ZNF572: variants seen among roughly 807,000 people sequenced by gnomAD.
ZNF572 encodes zinc finger protein 572.
Under a neutral mutation model 3.8 loss-of-function variants are expected in ZNF572, and 2 were observed. The ratio of observed to expected loss-of-function variants is 0.52; its 90% CI spans 0.21 to 1.65. The LOEUF (loss-of-function observed/expected upper bound fraction) is 1.65, where lower values mean the gene tolerates loss of function less well. Among genes scored for constraint, ZNF572 ranks in the 40% most tolerant of loss-of-function variants. ZNF572 has a pLI of 0.20. For missense variants in ZNF572, 581 were observed against 633.4 expected, an observed-to-expected ratio of 0.92 and a Z score of 0.89; for synonymous variants, 187 against 204.5, an observed-to-expected ratio of 0.91 and a Z score of 0.73.
Position 124,975,662 on chromosome 8 carries a change from T to C in ZNF572, c.22T>C (p.Leu8=). 6.2e-7 allele frequency: 1 copy of C among 1,613,962 alleles called. No homozygotes were observed. Among genetic ancestry groups the C allele is most frequent in the Non-Finnish European group, 8.5e-7 (1 of 1,179,910 alleles). Residue 8 remains leucine, a synonymous_variant, in exon 2 of 3, where the codon TTG becomes CTG. Transcript: ENST00000319286. ...TGTGATGGAGCAAGAAAAAAAACTG[T>C]TGGTCTCAGATTCTAACAGCTTTAT... is the stretch of plus-strand genomic sequence containing the variant. MEQEKKL[L]VSDSNSFMER...
At position 124,977,964 on chromosome 8, in the gene ZNF572, A is replaced by G. The variant is rs544050639; in HGVS notation, c.*106A>G. ...AAAGTTTCTTTGATGTGTTTGTCAAAACATTTGGAAAAAGTCAACCTCCCA... is the reference window on the plus strand; with the variant it reads ...AAAGTTTCTTTGATGTGTTTGTCAAGACATTTGGAAAAAGTCAACCTCCCA... On this transcript the variant is annotated 3_prime_UTR_variant, in exon 3 of 3. Coordinates refer to ENST00000319286, the MANE Select transcript of ZNF572 (RefSeq NM_152412.3). The G allele has an allele frequency of 7.7e-7, 1 of 1,297,512 alleles. No individual in the cohort carries two copies. Among genetic ancestry groups the G allele is most frequent in the South Asian group, 1.6e-5 (1 of 61,894 alleles). 80.4% of individuals were successfully genotyped at this position (1,297,512 alleles called of 1,614,324 possible).
intron 2 of ZNF572, 46 bp downstream of exon 2, chr8:124,975,765 A>G: frequency 6.9e-7 from 1 of 1,453,622 alleles, no homozygotes; most frequent in Non-Finnish European, 9.7e-7. Context: ...AATTTGATGT[A>G]GAAAGAACAG....
Position 124,977,425 on chromosome 8 carries a change from G to T in ZNF572, c.1157G>T (p.Cys386Phe), listed in dbSNP as rs1436779556. Reference protein sequence around the residue: ...RIQLGEKPYRCCECGKSFGLS... With the variant: ...RIQLGEKPYRFCECGKSFGLS... ...CAGTTAGGAGAGAAACCATATAGATGTTGTGAATGTGGGAAGAGTTTTGGC... is the reference window on the plus strand; with the variant it reads ...CAGTTAGGAGAGAAACCATATAGATTTTGTGAATGTGGGAAGAGTTTTGGC... The change falls in exon 3 of 3, where the codon TGT becomes TTT. Residue 386 changes from cysteine (C) to phenylalanine (F), a missense_variant. Cys to Phe is a radical substitution (Grantham distance 205). Coordinates refer to ENST00000319286, the MANE Select transcript of ZNF572 (RefSeq NM_152412.3). 1.2e-6 allele frequency: 2 copies of T among 1,614,194 alleles called. No individual in the cohort carries two copies. Among genetic ancestry groups the T allele is most frequent in the Non-Finnish European group, 1.7e-6 (2 of 1,180,024 alleles).
chr8:124,975,778 C>T, intron 2 of ZNF572, 59 bp downstream of exon 2: 1 of 1,333,036 alleles, frequency 7.5e-7, no homozygotes, highest in South Asian at 1.2e-5. Flanking sequence ...AAGAACAGGA[C>T]ACTAGAATGA....
chr8:124,977,937 A>C lies in ZNF572; in HGVS notation c.*79A>C. 6.9e-7 allele frequency: 1 copy of C among 1,443,488 alleles called. No homozygotes were observed. 89.4% of individuals were successfully genotyped at this position (1,443,488 alleles called of 1,614,324 possible). A position where few individuals can be genotyped will look rare whatever the true frequency, so the allele number is the denominator to read the frequency against. On this transcript the variant is annotated 3_prime_UTR_variant, in exon 3 of 3. Coordinates refer to ENST00000319286, the MANE Select transcript of ZNF572 (RefSeq NM_152412.3). The stretch of plus-strand genomic sequence containing the variant: ...TTAGGTATTCTGTGATTGTTGTGCT[A>C]TAAAGTTTCTTTGATGTGTTTGTCA...
chr8:124,974,903 G>T (rs994218787), intron 1 of ZNF572, among the ~76,000 whole-genome samples: 2 of 152,122 alleles, frequency 1.3e-5, no homozygotes, highest in African/African-American at 4.8e-5. Context: ...GCATTAGCCA[G>T]GATGGAACAT....
chr8:124,975,795 C>T (rs1814499144), intron 2 of ZNF572, 76 bp downstream of exon 2: 5 of 1,147,530 alleles, frequency 4.4e-6, no homozygotes, highest in Admixed American at 3.7e-5. Context: ...ATGAGACAAA[C>T]CTTAATTTAA....
At chr8:124,973,835 G>A (rs1188709244) in intron 1 of ZNF572, among the ~76,000 whole-genome samples, 2 of 152,196 alleles carry the variant, frequency 1.3e-5, no homozygotes, top group African/African-American at 4.8e-5. Flanking sequence ...CCATTTTGCT[G>A]AGCCACTGTT....
In ZNF572 at chr8:124,977,372, C is replaced by T. The variant is rs1202611143; in HGVS notation, c.1104C>T (p.Asn368=). ...SSEYEESLGQ[N]CNVIEECRIQ... is the part of the protein sequence containing the mutation. ...AATATGAGGAAAGTTTGGGTCAGAA[C>T]TGCAATGTGATAGAAGAATGCAGAA... The change falls in exon 3 of 3, where the codon AAC becomes AAT. Residue 368 remains asparagine, a synonymous_variant. Transcript: ENST00000319286. The T allele has an allele frequency of 1.2e-6, 2 of 1,614,158 alleles. No homozygotes were observed. The highest frequency in any genetic ancestry group is 1.7e-6 in the Non-Finnish European group (2 of 1,180,042).
Position 124,975,666 on chromosome 8 carries a change from T to G in ZNF572, c.26T>G (p.Val9Gly), listed in dbSNP as rs778469524. MEQEKKLL[V>G]SDSNSFMERE... ...ATGGAGCAAGAAAAAAAACTGTTGG[T>G]CTCAGATTCTAACAGCTTTATGGAG... is the stretch of plus-strand genomic sequence containing the variant. The change falls in exon 2 of 3, where the codon GTC (valine) becomes GGC (glycine). Residue 9 changes from valine to glycine, a missense_variant. By Grantham distance (109) the Val-to-Gly change is moderately radical (BLOSUM62 -3). Transcript: ENST00000319286. 1.2e-6 allele frequency: 2 copies of G among 1,613,962 alleles called. No homozygotes were observed. The highest frequency in any genetic ancestry group is 8.5e-7 in the Non-Finnish European group (1 of 1,179,918).
intron 1 of ZNF572, among the ~76,000 whole-genome samples, chr8:124,974,277 T>A (rs1480737781): frequency 6.6e-6 from 1 of 152,206 alleles, no homozygotes; most frequent in Admixed American, 6.5e-5. Flanking sequence ...TGTTCTAGTT[T>A]ACGATAATAG....
In ZNF572 at chr8:124,976,409, T is replaced by TAAAGAGAAACCTTCAGAATGGTCTA. The variant is rs1304041322; in HGVS notation, c.147_171dup (p.His58GlufsTer7). The TAAAGAGAAACCTTCAGAATGGTCTA allele has an allele frequency of 1.2e-6, 2 of 1,611,416 alleles. No individual in the cohort carries two copies. Among genetic ancestry groups the TAAAGAGAAACCTTCAGAATGGTCTA allele is most frequent in the East Asian group, 4.5e-5 (2 of 44,868 alleles). On this transcript the variant is annotated frameshift_variant, in exon 3 of 3. Transcript: ENST00000319286. LOFTEE classifies it low-confidence loss of function (END_TRUNC). Reference sequence around the variant, plus strand: ...ACAATAATTCTAAGGCAGATAAACTTAAAGAGAAACCTTCAGAATGGTCTA... The same window carrying TAAAGAGAAACCTTCAGAATGGTCTA: ...ACAATAATTCTAAGGCAGATAAACTTAAAGAGAAACCTTCAGAATGGTCTAAAAGAGAAACCTTCAGAATGGTCTA...
In ZNF572 at chr8:124,978,115, A is replaced by AAC. The variant is rs1814536525; in HGVS notation, c.*261_*262dup. On this transcript the variant is annotated 3_prime_UTR_variant, in exon 3 of 3. Coordinates refer to ENST00000319286, the MANE Select transcript of ZNF572 (RefSeq NM_152412.3). ...GGTAAGATAGTAATAGCTTCAAAAG[A>AAC]ACACATACAGAGTAATCCTGAGAGT... 2.3e-6 allele frequency: 1 copy of AAC among 438,740 alleles called. No individual in the cohort carries two copies. The highest frequency in any genetic ancestry group is 4.0e-6 in the Non-Finnish European group (1 of 250,694). 27.2% of individuals were successfully genotyped at this position (438,740 alleles called of 1,614,324 possible).
chr8:124,975,679 C>A lies in ZNF572; in HGVS notation c.39C>A (p.Asn13Lys). The change falls in exon 2 of 3, where the codon AAC becomes AAA. Residue 13 changes from asparagine (N) to lysine (K), a missense_variant. Transcript: ENST00000319286. Reference protein sequence around the residue: ...QEKKLLVSDSNSFMERESLKS... With the variant: ...QEKKLLVSDSKSFMERESLKS... Reference sequence around the variant, plus strand: ...AAAAACTGTTGGTCTCAGATTCTAACAGCTTTATGGAGAGGGAGAGTTTGA... The same window carrying A: ...AAAAACTGTTGGTCTCAGATTCTAAAAGCTTTATGGAGAGGGAGAGTTTGA... The A allele has an allele frequency of 6.2e-7, 1 of 1,613,948 alleles. No homozygotes were observed. The highest frequency in any genetic ancestry group is 8.5e-7 in the Non-Finnish European group (1 of 1,179,912).
intron 1 of ZNF572, among the ~76,000 whole-genome samples, chr8:124,974,000 C>A (rs924413341): frequency 2.0e-5 from 3 of 152,130 alleles, no homozygotes; most frequent in African/African-American, 7.2e-5. Flanking sequence ...TCGAACAACT[C>A]CACCCCCTTC....
rs1219998631 is a variant in ZNF572 at position 124,976,361 on chromosome 8, G to A, written c.93G>A (p.Met31Ile). Residue 31 changes from methionine (M) to isoleucine (I), a missense_variant, in exon 3 of 3, where the codon ATG (methionine) becomes ATA (isoleucine). Physicochemically the swap from Met to Ile is conservative, Grantham distance 10. Transcript: ENST00000319286. ...LKSPFTGDTS[M>I]NNLETVHHNN... is the part of the protein sequence containing the mutation. ...TTATTCTTGCAGGAGATACAAGTAT[G>A]AATAATTTGGAAACTGTTCACCACA... is the stretch of plus-strand genomic sequence containing the variant. 3 of 1,585,242 alleles carry A rather than the reference G, an allele frequency of 1.9e-6. No individual in the cohort carries two copies. In the African/African-American group the frequency reaches 4.1e-5, roughly 22 times the overall value.
In ZNF572 at chr8:124,978,998, T is replaced by C. The variant is rs971093659; in HGVS notation, c.*1140T>C. On this transcript the variant is annotated 3_prime_UTR_variant, in exon 3 of 3. Transcript: ENST00000319286. ...TCTTGACATAATTGGTATATGGATC[T>C]GATAACTGAGGTCCCATCTTCCCTA... The C allele has an allele frequency of 6.6e-6, 1 of 152,248 alleles. No individual in the cohort carries two copies. The highest frequency in any genetic ancestry group is 1.5e-5 in the Non-Finnish European group (1 of 68,030). The allele number at this position is 152,248 out of a possible 1,614,324, so 9.4% of individuals were successfully genotyped here.
rs550539701 is a variant in ZNF572 at position 124,976,997 on chromosome 8, A to G, written c.729A>G (p.Pro243=). 101 of 1,614,172 alleles carry G rather than the reference A, an allele frequency of 6.3e-5. No individual in the cohort carries two copies. Among genetic ancestry groups the G allele is most frequent in the Non-Finnish European group, 8.3e-5 (98 of 1,180,028 alleles). Residue 243 remains proline, a synonymous_variant, in exon 3 of 3, where the codon CCA becomes CCG. Coordinates refer to ENST00000319286, the MANE Select transcript of ZNF572 (RefSeq NM_152412.3). ...QHHRSHTGEK[P]YECSVCGKGF... is the part of the protein sequence containing the mutation. ...ACAGATCACATACAGGTGAAAAACC[A>G]TATGAATGTTCTGTCTGCGGAAAAG...
chr8:124,975,521 ATTG>A lies in ZNF572; in HGVS notation c.-35-80_-35-78del, dbSNP rs911981034. 125 of 755,900 alleles carry A rather than the reference ATTG, an allele frequency of 1.7e-4. 1 individual carries two copies. Among genetic ancestry groups the A allele is most frequent in the Middle Eastern group, 1.0e-3 (4 of 3,892 alleles). 46.8% of individuals were successfully genotyped at this position (755,900 alleles called of 1,614,324 possible). A position where few individuals can be genotyped will look rare whatever the true frequency, so the allele number is the denominator to read the frequency against. ...GTTCATGGAACATTCTATGCCTCCT[ATTG>A]TTGTGTTGGAATGGTTGGGAAGGAA... On this transcript the variant is annotated intron_variant, in intron 1 of 2. Transcript: ENST00000319286.
Sources: gnomAD v4.1 joint callset for allele counts (sites outside exome capture counted in the v4.1 genomes callset) on GRCh38, gnomAD v4.1.1 for gene constraint, MANE v1.5 for transcripts, NCBI Gene and HGNC (gene_info 2026-07-23, HGNC 2026-07-21) for gene names.